The following CPLANE1 variants were observed in gnomAD, a reference collection of about 807,000 sequenced individuals.
CPLANE1 encodes ciliogenesis and planar polarity effector complex subunit 1, also known as ciliogenesis and planar polarity effector 1.
A neutral mutation model predicts 362.5 loss-of-function variants in CPLANE1; 263 were observed. That is an observed-to-expected ratio of 0.73 (90% CI 0.66 to 0.80). The LOEUF (loss-of-function observed/expected upper bound fraction) is 0.80. CPLANE1 is among the 30% of genes least tolerant of loss of function. CPLANE1 has a pLI of 0.00. For missense variants in CPLANE1, 3,461 were observed against 3,793.4 expected, an observed-to-expected ratio of 0.91 and a Z score of 2.30; for synonymous variants, 1,212 against 1,302.6, an observed-to-expected ratio of 0.93 and a Z score of 1.50.
chr5:37,095,818 C>T, the CPLANE1 span, among the ~76,000 whole-genome samples: 2 of 152,112 alleles, frequency 1.3e-5, no homozygotes, highest in African/African-American at 2.4e-5. Context: ...AAAAACTCAA[C>T]CCCTTTCACA....
intron 36 of CPLANE1, 74 bp downstream of exon 36, chr5:37,165,465 A>C: frequency 4.2e-6 from 6 of 1,436,738 alleles, no homozygotes; most frequent in Non-Finnish European, 5.8e-6. Flanking sequence ...CAATCAGACT[A>C]GATAAACCAC....
intron 22 of CPLANE1, 74 bp downstream of exon 22, chr5:37,187,659 A>G: frequency 2.6e-6 from 4 of 1,554,392 alleles, no homozygotes; most frequent in Non-Finnish European, 3.5e-6. Flanking sequence ...GCTACAAACA[A>G]TAAAATCTTC....
In CPLANE1 at chr5:37,142,444, C is replaced by T. The variant is rs766198617; in HGVS notation, c.8498G>A (p.Ser2833Asn). Residue 2833 changes from serine (S) to asparagine (N), a missense_variant, in exon 44 of 53, where the codon AGT (serine) becomes AAT (asparagine). Physicochemically the swap from Ser to Asn is conservative, Grantham distance 46 (BLOSUM62 1). Coordinates refer to ENST00000651892, the MANE Select transcript of CPLANE1 (RefSeq NM_001384732.1). The stretch of plus-strand genomic sequence containing the variant: ...AGGTTCTGAAGTCTCCTTTTTGTCA[C>T]TTTGATCTTCTTCATCCATATGGGT... The part of the protein sequence containing the change: ...FLTHMDEEDQ[S>N]DKKETSEPEF... 3.7e-6 allele frequency: 6 copies of T among 1,605,334 alleles called. No homozygotes were observed. In the East Asian group the frequency reaches 1.4e-4, roughly 36 times the overall value.
chr5:37,170,829 G>A (rs772258850), intron 32 of CPLANE1, among the ~76,000 whole-genome samples: 5 of 152,130 alleles, frequency 3.3e-5, no homozygotes, highest in Non-Finnish European at 5.9e-5. Context: ...CCAACTACTC[G>A]GGAAGCTGAG....
Position 37,121,779 on chromosome 5 carries a change from A to G in CPLANE1, c.9023T>C (p.Leu3008Pro), listed in dbSNP as rs1327570168. 4.3e-6 allele frequency: 7 copies of G among 1,612,940 alleles called. No individual in the cohort carries two copies. Among genetic ancestry groups the G allele is most frequent in the East Asian group, 4.5e-5 (2 of 44,870 alleles). The change falls in exon 49 of 53, where the codon CTG becomes CCG. Residue 3008 changes from leucine to proline, a missense_variant. Physicochemically the swap from Leu to Pro is moderately conservative, Grantham distance 98 (BLOSUM62 -3). This residue lies in a region of CPLANE1 where 3,380 missense variants were observed against 3,666.1 expected (regional missense o/e 0.92). Transcript: ENST00000651892. The stretch of plus-strand genomic sequence containing the variant: ...TCGACGACTATAGTGTTCAGAGAGC[A>G]GCAATCTGTAGACAAAGAATTAAGC... ...QKMKHEKDRL[L>P]LSEHYSRRIS...
At chr5:37,224,863 A>C in intron 12 of CPLANE1, 123 bp from the exon 13 acceptor site, 1 of 595,204 alleles carries the variant, frequency 1.7e-6, no homozygotes, top group Non-Finnish European at 3.0e-6. Flanking sequence ...ATACAAACTG[A>C]TCACATTTAA....
intron 43 of CPLANE1, 21 bp downstream of exon 43, chr5:37,148,160 C>T: frequency 6.3e-7 from 1 of 1,582,958 alleles, no homozygotes; most frequent in East Asian, 2.2e-5. Context: ...CTTCAGCCAG[C>T]CCCTATCAGC....
chr5:37,156,116 C>T (rs1024200720), intron 41 of CPLANE1, among the ~76,000 whole-genome samples: 23 of 152,230 alleles, frequency 1.5e-4, no homozygotes, highest in African/African-American at 5.5e-4. Flanking sequence ...CCTGAGTGCC[C>T]ACTGTCATTA....
chr5:37,218,482 C>A (rs930337603), intron 15 of CPLANE1, among the ~76,000 whole-genome samples: 1 of 152,074 alleles, frequency 6.6e-6, no homozygotes, highest in African/African-American at 2.4e-5. Context: ...GCACCTTTTC[C>A]CTTTGCTGAT....
At chr5:37,087,148 A>G in the CPLANE1 span, among the ~76,000 whole-genome samples, 114 of 152,288 alleles carry the variant, frequency 7.5e-4, 1 homozygote, top group East Asian at 0.021. Flanking sequence ...ACCATAACAC[A>G]TGGTTCCCGA....
At position 37,245,475 on chromosome 5, in the gene CPLANE1, C is replaced by T; in HGVS notation, c.337+4G>A. On this transcript the variant is annotated splice_donor_region_variant and intron_variant, in intron 4 of 52. Transcript: ENST00000651892. ...CCAACTTAAACAAATAAAAAAATTC[C>T]CACCGACTGTAGCTTTGATCATTTC... 4.2e-6 allele frequency: 6 copies of T among 1,438,310 alleles called. No individual in the cohort carries two copies. The highest frequency in any genetic ancestry group is 5.5e-6 in the Non-Finnish European group (6 of 1,090,814). 89.1% of individuals were successfully genotyped at this position (1,438,310 alleles called of 1,614,324 possible).
At position 37,107,698 on chromosome 5, in the gene CPLANE1, G is replaced by T; in HGVS notation, c.9660C>A (p.Gly3220=). The change falls in exon 53 of 53, where the codon GGC becomes GGA. Residue 3220 remains glycine (G), a synonymous_variant. Transcript: ENST00000651892. Reference sequence around the variant, plus strand: ...TCCAGTCCAGCTTGCTGAGGATGCTGCCAGTGCTCTCAGACACGCTGTCCA... The same window carrying T: ...TCCAGTCCAGCTTGCTGAGGATGCTTCCAGTGCTCTCAGACACGCTGTCCA... ...GGVDSVSEST[G]SILSKLDWNA... is the part of the protein sequence containing the mutation. 3.1e-6 allele frequency: 5 copies of T among 1,611,986 alleles called. No individual in the cohort carries two copies. Among genetic ancestry groups the T allele is most frequent in the Non-Finnish European group, 4.2e-6 (5 of 1,179,158 alleles).
At chr5:37,154,028 A>G in intron 41 of CPLANE1, 35 bp from the exon 42 acceptor site, 1 of 1,543,264 alleles carries the variant, frequency 6.5e-7, no homozygotes, top group Non-Finnish European at 8.8e-7. Context: ...AGAATTGATT[A>G]TAATTAAAGA....
chr5:37,162,746 C>G, intron 37 of CPLANE1, 180 bp from the exon 38 acceptor site: 1 of 410,110 alleles, frequency 2.4e-6, no homozygotes, highest in Non-Finnish European at 4.4e-6. Context: ...GTGGTGCAAT[C>G]TCGGCTTACT....
chr5:37,131,819 C>T lies in CPLANE1; in HGVS notation c.8793-6410G>A, dbSNP rs117072547. ...TGCTGGGATTATAGGCGTGAGCCAC[C>T]GCGCCAGGCCAAATATTTTTATAGA... On this transcript the variant is annotated intron_variant, in intron 46 of 52. Coordinates refer to ENST00000651892, the MANE Select transcript of CPLANE1 (RefSeq NM_001384732.1). Among the ~76,000 whole-genome samples, 1,274 of 152,114 alleles carry T rather than the reference C, an allele frequency of 8.4e-3. 24 individuals carry two copies. Among genetic ancestry groups the T allele is most frequent in the East Asian group, 0.082 (426 of 5,166 alleles).
chr5:37,161,506 T>G (rs1161423627), intron 38 of CPLANE1, among the ~76,000 whole-genome samples: 1 of 152,182 alleles, frequency 6.6e-6, no homozygotes. Context: ...CCGTCAACAT[T>G]GTAGCAAACA....
At chr5:37,098,403 A>C in the CPLANE1 span, among the ~76,000 whole-genome samples, 2 of 150,234 alleles carry the variant, frequency 1.3e-5, no homozygotes, top group African/African-American at 2.4e-5. Flanking sequence ...AAAAAAAAAA[A>C]AAAAAAAAAA....
Position 37,147,971 on chromosome 5 carries a change from C to CAAAAAAAAA in CPLANE1, c.8461+201_8461+209dup, listed in dbSNP as rs11284644. Among the ~76,000 whole-genome samples the CAAAAAAAAA allele has an allele frequency of 2.6e-3, 40 of 15,314 alleles. 2 individuals carry two copies. Among genetic ancestry groups the CAAAAAAAAA allele is most frequent in the African/African-American group, 5.3e-3 (40 of 7,504 alleles). The allele number at this position is 15,314 out of a possible 152,430, so 10.0% of individuals were successfully genotyped here. A position where few individuals can be genotyped will look rare whatever the true frequency, so the allele number is the denominator to read the frequency against. On this transcript the variant is annotated intron_variant, in intron 43 of 52. Coordinates refer to ENST00000651892, the MANE Select transcript of CPLANE1 (RefSeq NM_001384732.1). ...AATCCAGAGGAGGTTACTGCCTTCT[C>CAAAAAAAAA]AAAAAAAAAAAAAAAAAAAAAAAAA... is the stretch of plus-strand genomic sequence containing the variant.
intron 15 of CPLANE1, among the ~76,000 whole-genome samples, chr5:37,217,105 C>T (rs1794247741): frequency 6.6e-6 from 1 of 152,062 alleles, no homozygotes; most frequent in African/African-American, 2.4e-5. Context: ...TCTTCACATT[C>T]GAGTTAGAGA....
Sources: allele counts gnomAD v4.1 joint callset (sites outside exome capture counted in the v4.1 genomes callset), GRCh38; gene constraint gnomAD v4.1.1; regional missense constraint gnomAD v4.1.1; transcripts MANE v1.5; gene names NCBI Gene and HGNC (gene_info 2026-07-23, HGNC 2026-07-21).